The following SLCO4C1 variants were observed in gnomAD, a reference collection of about 807,000 sequenced individuals.
SLCO4C1 encodes solute carrier organic anion transporter family member 4C1.
In SLCO4C1, 58 loss-of-function variants were observed where a neutral mutation model predicts 72.1. The ratio of observed to expected loss-of-function variants is 0.80; its 90% CI spans 0.65 to 1.00. SLCO4C1 has a LOEUF of 1.00. Ranked by LOEUF, SLCO4C1 falls within the 50% of genes least tolerant of loss-of-function variation. SLCO4C1 has a pLI of 0.00. For synonymous variants in SLCO4C1, 297 were observed against 312.5 expected (o/e 0.95, Z 0.52); for missense variants, 898 against 857.9 (o/e 1.05, Z -0.58).
At chr5:102,276,400 CGAA>C (rs1298290911) in intron 2 of SLCO4C1, among the ~76,000 whole-genome samples, 1 of 152,120 alleles carries the variant, frequency 6.6e-6, no homozygotes, top group East Asian at 1.9e-4. Context: ...TGGTCTGCAT[CGAA>C]GGTGGCAGAC....
At chr5:102,268,448 T>C (rs1749086742) in intron 3 of SLCO4C1, among the ~76,000 whole-genome samples, 1 of 152,158 alleles carries the variant, frequency 6.6e-6, no homozygotes, top group Non-Finnish European at 1.5e-5. Context: ...CAATTACAAC[T>C]AAATATCTTT....
intron 2 of SLCO4C1, among the ~76,000 whole-genome samples, chr5:102,280,088 GGCAAAAAAAA>G (rs1561379186): frequency 2.8e-5 from 1 of 36,226 alleles, no homozygotes. Context: ...AGTGCAATAA[GGCAAAAAAAA>G]AAAAAAAAAA....
chr5:102,234,780 A>G lies in SLCO4C1; in HGVS notation c.*2078T>C, dbSNP rs1182460467. ...AATCCAATTCCCTGCTTCCACACAA[A>G]GGACAAAGAAAGCCTAAACTTTCCT... is the stretch of plus-strand genomic sequence containing the variant. On this transcript the variant is annotated 3_prime_UTR_variant, in exon 13 of 13. Coordinates refer to ENST00000310954, the MANE Select transcript of SLCO4C1 (RefSeq NM_180991.5). 2.2e-5 allele frequency: 3 copies of G among 137,154 alleles called. No homozygotes were observed. The highest frequency in any genetic ancestry group is 8.3e-5 in the African/African-American group (3 of 36,052). 8.5% of individuals were successfully genotyped at this position (137,154 alleles called of 1,614,324 possible).
At chr5:102,276,226 C>T (rs1027466369) in intron 2 of SLCO4C1, among the ~76,000 whole-genome samples, 2 of 152,140 alleles carry the variant, frequency 1.3e-5, no homozygotes, top group Admixed American at 6.6e-5. Context: ...CACAGCTCCC[C>T]CTCCTTCTTT....
intron 1 of SLCO4C1, 80 bp from the exon 2 acceptor site, chr5:102,291,686 G>C: frequency 1.7e-6 from 2 of 1,208,858 alleles, no homozygotes; most frequent in Non-Finnish European, 2.2e-6. Flanking sequence ...AGTAGAGTTT[G>C]ATTATTCATT....
At chr5:102,240,649 T>TA (rs1009782881) in intron 11 of SLCO4C1, 69 bp downstream of exon 11, 22 of 1,309,606 alleles carry the variant, frequency 1.7e-5, no homozygotes, top group African/African-American at 1.6e-4. Flanking sequence ...GGCCATAAAT[T>TA]AAAAAATAAA....
chr5:102,258,023 G>T lies in SLCO4C1; in HGVS notation c.1193C>A (p.Thr398Asn), dbSNP rs374994606. ...AGGTAAAAATGTAGCAAATCCAGTA[G>T]TAATTAAGGCTTCTGAAGAAGTTGA... ...VLSTSSEALI[T>N]TGFATFLPKF... The change falls in exon 7 of 13, where the codon ACT becomes AAT. Residue 398 changes from threonine (T) to asparagine (N), a missense_variant. By Grantham distance (65) the Thr-to-Asn change is moderately conservative. Coordinates refer to ENST00000310954, the MANE Select transcript of SLCO4C1 (RefSeq NM_180991.5). 5.6e-6 allele frequency: 9 copies of T among 1,606,932 alleles called. No individual in the cohort carries two copies. The South Asian group carries it at 1.0e-4, about 18-fold the overall frequency.
At chr5:102,238,290 C>G (rs947635759) in intron 12 of SLCO4C1, among the ~76,000 whole-genome samples, 1 of 151,858 alleles carries the variant, frequency 6.6e-6, no homozygotes, top group Admixed American at 6.6e-5. Flanking sequence ...AAATTTTAAA[C>G]ATAAAAACAT....
In SLCO4C1 at chr5:102,263,695, A is replaced by T; in HGVS notation, c.888T>A (p.Ala296=). The change falls in exon 4 of 13, where the codon GCT becomes GCA. Residue 296 remains alanine (A), a synonymous_variant. Transcript: ENST00000310954. ...AGATACTGCCTTGCCTTTCTCCCATAGCAACATCAATGTATATGGTTAGCA... is the reference window on the plus strand; with the variant it reads ...AGATACTGCCTTGCCTTTCTCCCATTGCAACATCAATGTATATGGTTAGCA... ...GQLLTIYIDV[A]MGESTDVTED... The T allele has an allele frequency of 6.2e-7, 1 of 1,611,810 alleles. No homozygotes were observed. The highest frequency in any genetic ancestry group is 8.5e-7 in the Non-Finnish European group (1 of 1,178,784).
chr5:102,274,414 A>G (rs1299727929), intron 2 of SLCO4C1, among the ~76,000 whole-genome samples: 1 of 152,184 alleles, frequency 6.6e-6, no homozygotes, highest in African/African-American at 2.4e-5. Context: ...CACATACCAT[A>G]TGTCAAAACA....
rs1194420633 is a variant in SLCO4C1 at position 102,295,761 on chromosome 5, G to A, written c.355+147C>T. The A allele has an allele frequency of 1.1e-5, 8 of 750,870 alleles. No individual in the cohort carries two copies. In the East Asian group the frequency reaches 1.1e-4, roughly 10 times the overall value. The allele number at this position is 750,870 out of a possible 1,614,324, so 46.5% of individuals were successfully genotyped here. A position where few individuals can be genotyped will look rare whatever the true frequency, so the allele number is the denominator to read the frequency against. ...GGCCGGTAGGTTGACCTTGGTGAGA[G>A]CGCAAGCAAGTTCCAAACCCGGGGC... On this transcript the variant is annotated intron_variant, in intron 1 of 12. Transcript: ENST00000310954.
At chr5:102,250,982 A>AT (rs771224580) in intron 8 of SLCO4C1, among the ~76,000 whole-genome samples, 11 of 151,924 alleles carry the variant, frequency 7.2e-5, no homozygotes, top group Non-Finnish European at 1.5e-4. Context: ...GTGAGACTCC[A>AT]TACAAAAAAA....
chr5:102,268,494 C>T (rs77081124), intron 3 of SLCO4C1, among the ~76,000 whole-genome samples: 8,110 of 152,108 alleles, frequency 0.053, 686 homozygotes, highest in African/African-American at 0.17. Flanking sequence ...TGTGTCTTTA[C>T]AGTTGAAATG....
At chr5:102,244,526 C>A (rs549607284) in intron 10 of SLCO4C1, among the ~76,000 whole-genome samples, 3 of 152,098 alleles carry the variant, frequency 2.0e-5, no homozygotes, top group African/African-American at 7.2e-5. Context: ...ATATCAATAT[C>A]CAAGTACGAG....
In SLCO4C1 at chr5:102,257,231, T is replaced by C. The variant is rs1748853625; in HGVS notation, c.1353A>G (p.Lys451=). 3 of 1,611,278 alleles carry C rather than the reference T, an allele frequency of 1.9e-6. No homozygotes were observed. The highest frequency in any genetic ancestry group is 2.5e-6 in the Non-Finnish European group (3 of 1,178,892). The change falls in exon 8 of 13, where the codon AAA becomes AAG. Residue 451 remains lysine (K), a synonymous_variant. Coordinates refer to ENST00000310954, the MANE Select transcript of SLCO4C1 (RefSeq NM_180991.5). ...FLVSKFRMTC[K]NTMKFALFTS... ...TGAACAGTGCAAACTTCATTGTGTT[T>C]TTACATGTCATTCTGAATTTTGAAA...
chr5:102,258,890 A>T (rs1748888402), intron 6 of SLCO4C1, among the ~76,000 whole-genome samples: 1 of 151,890 alleles, frequency 6.6e-6, no homozygotes, highest in African/African-American at 2.4e-5. Flanking sequence ...ATAATAATAA[A>T]AATAGCAATA....
At chr5:102,282,516 C>T (rs866714288) in intron 2 of SLCO4C1, among the ~76,000 whole-genome samples, 6 of 151,718 alleles carry the variant, frequency 4.0e-5, no homozygotes, top group South Asian at 2.1e-4. Flanking sequence ...AAAAATATAA[C>T]AAAGGAGGGT....
At position 102,247,435 on chromosome 5, in the gene SLCO4C1, TAATATACCTA is replaced by T. The variant is rs1236690703; in HGVS notation, c.1621-3_1627del. 1.3e-6 allele frequency: 2 copies of T among 1,521,760 alleles called. No homozygotes were observed. Among genetic ancestry groups the T allele is most frequent in the African/African-American group, 2.8e-5 (2 of 72,086 alleles). The allele number at this position is 1,521,760 out of a possible 1,614,324, so 94.3% of individuals were successfully genotyped here. ...TTTCCTTTCAATACAGGAACAGTTG[TAATATACCTA>T]AAAATATTAGACATAAAAACAATGA... On this transcript the variant is annotated splice_acceptor_variant and splice_polypyrimidine_tract_variant and coding_sequence_variant and intron_variant, in exon 10 of 13. Coordinates refer to ENST00000310954, the MANE Select transcript of SLCO4C1 (RefSeq NM_180991.5). LOFTEE classifies it high-confidence loss of function.
In SLCO4C1 at chr5:102,253,801, T is replaced by C. The variant is rs1481794496; in HGVS notation, c.1469+3314A>G. Among the ~76,000 whole-genome samples, 6 of 82,394 alleles carry C rather than the reference T, an allele frequency of 7.3e-5. No individual in the cohort carries two copies. The Admixed American group carries it at 9.1e-4, about 12-fold the overall frequency. The allele number at this position is 82,394 out of a possible 152,430, so 54.1% of individuals were successfully genotyped here. On this transcript the variant is annotated intron_variant, in intron 8 of 12. Transcript: ENST00000310954. ...GCCTGGGCGACCAAAGGAGACTCTA[T>C]CTCAAAAAAAAAAAAAGAAAAGAAA... is the stretch of plus-strand genomic sequence containing the variant.
Sources: allele counts gnomAD v4.1 joint callset (sites outside exome capture counted in the v4.1 genomes callset), GRCh38; gene constraint gnomAD v4.1.1; transcripts MANE v1.5; gene names NCBI Gene and HGNC (gene_info 2026-07-23, HGNC 2026-07-21).